Variants in SAXO1 observed in about 807,000 individuals in gnomAD.
SAXO1 encodes stabilizer of axonemal microtubules 1, also known as 4930500O09Rik.
A neutral mutation model predicts 17.5 loss-of-function variants in SAXO1; 21 were observed. That is an observed-to-expected ratio of 1.20 (90% CI 0.85 to 1.72). The LOEUF (loss-of-function observed/expected upper bound fraction) is 1.72. Among genes scored for constraint, SAXO1 ranks in the 40% most tolerant of loss-of-function variants. The probability of loss-of-function intolerance (pLI) is 0.00; values close to 1 mark genes in which losing one functional copy is unlikely to be tolerated. For synonymous variants in SAXO1, 274 were observed against 216.5 expected (o/e 1.27, Z -2.33); for missense variants, 843 against 596.0 (o/e 1.41, Z -4.32).
At chr9:19,012,210 CAAAGGCAAAT>C (rs1834774152) in intron 1 of SAXO1, among the ~76,000 whole-genome samples, 1 of 152,056 alleles carries the variant, frequency 6.6e-6, no homozygotes, top group African/African-American at 2.4e-5. Flanking sequence ...TTCTTTTGAC[CAAAGGCAAAT>C]AAAGAGAAGA....
chr9:18,927,866 C>G lies in SAXO1; in HGVS notation c.*186G>C. ...GAGAAGGTAAGGGGAGTTAATTAGC[C>G]GGTGATTAAATGTCATTTTCCCTGA... is the stretch of plus-strand genomic sequence containing the variant. On this transcript the variant is annotated 3_prime_UTR_variant, in exon 4 of 4. Coordinates refer to ENST00000380534, the MANE Select transcript of SAXO1 (RefSeq NM_153707.4). 1.7e-6 allele frequency: 1 copy of G among 592,376 alleles called. No individual in the cohort carries two copies. Among genetic ancestry groups the G allele is most frequent in the East Asian group, 2.9e-5 (1 of 34,280 alleles). The allele number at this position is 592,376 out of a possible 1,614,324, so 36.7% of individuals were successfully genotyped here. A position where few individuals can be genotyped will look rare whatever the true frequency, so the allele number is the denominator to read the frequency against.
chr9:19,013,793 C>T (rs138213789), intron 1 of SAXO1, among the ~76,000 whole-genome samples: 121 of 152,154 alleles, frequency 8.0e-4, no homozygotes, highest in Middle Eastern at 3.4e-3. Context: ...GTGATCCACC[C>T]GCCTCGGCCT....
intron 1 of SAXO1, among the ~76,000 whole-genome samples, chr9:18,989,652 A>G (rs957792714): frequency 9.2e-5 from 14 of 152,164 alleles, no homozygotes; most frequent in Non-Finnish European, 2.1e-4. Flanking sequence ...AACAACTCAT[A>G]AGTTATATAA....
chr9:19,032,895 C>T lies in SAXO1; in HGVS notation c.14G>A (p.Cys5Tyr), dbSNP rs1186341319. ...CCCGCAGGAGCACAGTTCACAGATG[C>T]ACTTCGTCTTCATAGGGGCGATCCT... MKTK[C>Y]ICELCSCGRH... The change falls in exon 1 of 4, where the codon TGC becomes TAC. Residue 5 changes from cysteine (C) to tyrosine (Y), a missense_variant. By Grantham distance (194) the Cys-to-Tyr change is radical. Coordinates refer to ENST00000380534, the MANE Select transcript of SAXO1 (RefSeq NM_153707.4). 5.0e-6 allele frequency: 8 copies of T among 1,610,694 alleles called. No individual in the cohort carries two copies. The highest frequency in any genetic ancestry group is 1.3e-5 in the African/African-American group (1 of 75,062).
chr9:18,996,251 T>G (rs1045652269), intron 1 of SAXO1, among the ~76,000 whole-genome samples: 2 of 152,222 alleles, frequency 1.3e-5, no homozygotes, highest in Non-Finnish European at 2.9e-5. Flanking sequence ...TATTTTAAAG[T>G]AAGTCCCAGA....
chr9:19,023,776 G>T (rs1835349814), intron 1 of SAXO1, among the ~76,000 whole-genome samples: 1 of 46,516 alleles, frequency 2.1e-5, no homozygotes, highest in Non-Finnish European at 4.3e-5. Context: ...TTCTGAAGAA[G>T]AAAGAAGGAA....
chr9:19,038,307 T>C (rs200353328), intron 1 of SAXO1, among the ~76,000 whole-genome samples: 2 of 152,066 alleles, frequency 1.3e-5, no homozygotes, highest in African/African-American at 2.4e-5. Flanking sequence ...CACATGCACA[T>C]GTATGTTTAT....
intron 2 of SAXO1, among the ~76,000 whole-genome samples, chr9:18,944,212 G>A (rs967304960): frequency 3.3e-5 from 5 of 152,000 alleles, no homozygotes; most frequent in African/African-American, 1.2e-4. Context: ...GGGGTGGGGG[G>A]AAGCGGTATC....
chr9:18,990,151 C>T (rs1439009500), intron 1 of SAXO1, among the ~76,000 whole-genome samples: 2 of 145,394 alleles, frequency 1.4e-5, no homozygotes, highest in Non-Finnish European at 3.1e-5. Context: ...CTGCGCACAC[C>T]AAGCAGGAGT....
chr9:18,997,467 A>G (rs573218729), intron 1 of SAXO1, among the ~76,000 whole-genome samples: 1 of 152,378 alleles, frequency 6.6e-6, no homozygotes, highest in African/African-American at 2.4e-5. Flanking sequence ...GGAAAGCTCA[A>G]ACTGGGCAGA....
intron 1 of SAXO1, among the ~76,000 whole-genome samples, chr9:18,999,382 G>A (rs930120246): frequency 8.1e-5 from 12 of 147,266 alleles, no homozygotes; most frequent in Non-Finnish European, 1.2e-4. Context: ...CCCCACCATC[G>A]GTGAAGTGAG....
At chr9:18,944,067 C>T (rs530949233) in intron 2 of SAXO1, among the ~76,000 whole-genome samples, 1 of 152,324 alleles carries the variant, frequency 6.6e-6, no homozygotes, top group South Asian at 2.1e-4. Context: ...TTCACCAGTT[C>T]ACAGACTATT....
upstream of SAXO1, among the ~76,000 whole-genome samples, chr9:19,037,934 C>T (rs1428573917): frequency 6.6e-6 from 1 of 152,186 alleles, no homozygotes; most frequent in Non-Finnish European, 1.5e-5. Flanking sequence ...GATTCAGATT[C>T]AGATGGTCTC....
At chr9:18,997,578 A>G (rs578127832) in intron 1 of SAXO1, among the ~76,000 whole-genome samples, 1 of 152,386 alleles carries the variant, frequency 6.6e-6, no homozygotes, top group South Asian at 2.1e-4. Context: ...ACAGGCTTAA[A>G]TGTCCCTGCC....
Position 19,011,881 on chromosome 9 carries a change from C to G in SAXO1, c.38+20990G>C, listed in dbSNP as rs932760216. On this transcript the variant is annotated intron_variant, in intron 1 of 3. Coordinates refer to ENST00000380534, the MANE Select transcript of SAXO1 (RefSeq NM_153707.4). ...TTTTTTTTTGAGATGGAGTCTCATTCTGTCGCCAGGCTAGAGTGCAGTGGC... is the reference window on the plus strand; with the variant it reads ...TTTTTTTTTGAGATGGAGTCTCATTGTGTCGCCAGGCTAGAGTGCAGTGGC... Among the ~76,000 whole-genome samples the G allele has an allele frequency of 3.1e-4, 41 of 134,180 alleles. No individual in the cohort carries two copies. The Admixed American group carries it at 3.4e-3, about 11-fold the overall frequency. 88.0% of individuals were successfully genotyped at this position (134,180 alleles called of 152,430 possible). A position where few individuals can be genotyped will look rare whatever the true frequency, so the allele number is the denominator to read the frequency against.
rs10640487 is a variant in SAXO1, at chr9:18,980,781, GA to G, written c.39-29845del. Among the ~76,000 whole-genome samples, 472 of 83,890 alleles carry G rather than the reference GA, an allele frequency of 5.6e-3. 7 individuals are homozygous for G. In the South Asian group the frequency reaches 0.074, roughly 13 times the overall value. 55.0% of individuals were successfully genotyped at this position (83,890 alleles called of 152,430 possible). On this transcript the variant is annotated intron_variant, in intron 1 of 3. Coordinates refer to ENST00000380534, the MANE Select transcript of SAXO1 (RefSeq NM_153707.4). ...AGGAGAAGCATATTTTTAAAAAACT[GA>G]AAAAAAAAAAAAAAAAAGCCTGGAA... is the stretch of plus-strand genomic sequence containing the variant.
At chr9:18,939,954 A>C (rs982087681) in intron 3 of SAXO1, among the ~76,000 whole-genome samples, 1 of 152,178 alleles carries the variant, frequency 6.6e-6, no homozygotes, top group South Asian at 2.1e-4. Flanking sequence ...AAGACTGGAG[A>C]TATGCTCAGG....
At chr9:19,025,126 CAT>C (rs1294212773) in intron 1 of SAXO1, among the ~76,000 whole-genome samples, 1 of 152,172 alleles carries the variant, frequency 6.6e-6, no homozygotes, top group African/African-American at 2.4e-5. Flanking sequence ...AGGAGCATAA[CAT>C]AGCTTAACAT....
intron 1 of SAXO1, among the ~76,000 whole-genome samples, chr9:19,039,111 G>T (rs552753243): frequency 6.6e-6 from 1 of 151,340 alleles, no homozygotes; most frequent in African/African-American, 2.4e-5. Context: ...CTCCAGCCTG[G>T]GCAACAGAGC....
Sources: allele counts gnomAD v4.1 joint callset (sites outside exome capture counted in the v4.1 genomes callset), GRCh38; gene constraint gnomAD v4.1.1; transcripts MANE v1.5; gene names NCBI Gene and HGNC (gene_info 2026-07-23, HGNC 2026-07-21).